ATP6V1C2: variants seen among roughly 807,000 people sequenced by gnomAD.
ATP6V1C2 encodes the protein V-type proton ATPase subunit C 2.
In ATP6V1C2, 45 loss-of-function variants were observed where a neutral mutation model predicts 56.8. The ratio of observed to expected loss-of-function variants is 0.79; its 90% CI spans 0.62 to 1.02. ATP6V1C2 has a LOEUF of 1.02. ATP6V1C2 is among the 50% of genes least tolerant of loss of function. The probability of loss-of-function intolerance (pLI) is 0.00; values close to 1 mark genes in which losing one functional copy is unlikely to be tolerated. For missense variants in ATP6V1C2, 463 were observed against 519.7 expected, an observed-to-expected ratio of 0.89 and a Z score of 1.06; for synonymous variants, 220 against 201.3, an observed-to-expected ratio of 1.09 and a Z score of -0.79.
intron 3 of ATP6V1C2, among the ~76,000 whole-genome samples, chr2:10,732,930 C>T (rs1348256814): frequency 2.0e-5 from 3 of 149,124 alleles, no homozygotes; most frequent in Non-Finnish European, 3.0e-5. Context: ...GAGATTGTGC[C>T]GCTGCATTCC....
chr2:10,783,579 A>G lies in ATP6V1C2; in HGVS notation c.*316A>G. On this transcript the variant is annotated 3_prime_UTR_variant, in exon 14 of 14. Transcript: ENST00000272238. ...TTTGAGGTTCATTAACAACATAGAA[A>G]GCCTTGAACTGTATAACCAGCTAGA... 3.8e-6 allele frequency: 1 copy of G among 261,834 alleles called. No individual in the cohort carries two copies. Among genetic ancestry groups the G allele is most frequent in the South Asian group, 4.4e-5 (1 of 22,646 alleles). 16.2% of individuals were successfully genotyped at this position (261,834 alleles called of 1,614,324 possible).
chr2:10,745,488 G>A (rs1400262553), intron 3 of ATP6V1C2, among the ~76,000 whole-genome samples: 1 of 151,470 alleles, frequency 6.6e-6, no homozygotes, highest in Admixed American at 6.6e-5. Context: ...CCAAGTAGCT[G>A]GGACTACACA....
Position 10,755,242 on chromosome 2 carries a change from G to C in ATP6V1C2, c.283+1176G>C, listed in dbSNP as rs1243811229. The stretch of plus-strand genomic sequence containing the variant: ...GTAGAGACGGGGTTTCTCCATGTTG[G>C]TCAGGCTGGTCTCGAACTCCTGACC... On this transcript the variant is annotated intron_variant, in intron 4 of 13. Coordinates refer to ENST00000272238, the MANE Select transcript of ATP6V1C2 (RefSeq NM_001039362.2). Among the ~76,000 whole-genome samples the C allele has an allele frequency of 6.6e-4, 100 of 151,428 alleles. 1 individual carries two copies. Among genetic ancestry groups the C allele is most frequent in the Non-Finnish European group, 2.9e-5 (2 of 67,952 alleles).
At chr2:10,775,263 C>G (rs190756770) in intron 10 of ATP6V1C2, among the ~76,000 whole-genome samples, 192 bp downstream of exon 10, 1 of 152,186 alleles carries the variant, frequency 6.6e-6, no homozygotes, top group Non-Finnish European at 1.5e-5. Context: ...CACAAAGGAG[C>G]CCAGGCGGTG....
At chr2:10,755,045 T>G (rs937847370) in intron 4 of ATP6V1C2, among the ~76,000 whole-genome samples, 1 of 150,016 alleles carries the variant, frequency 6.7e-6, no homozygotes, top group African/African-American at 2.5e-5. Flanking sequence ...GAGACGGAGT[T>G]TTTCTCGTGT....
chr2:10,785,086 G>A lies in ATP6V1C2; in HGVS notation c.*1823G>A. 1 of 1,200,410 alleles carries A rather than the reference G, an allele frequency of 8.3e-7. No individual in the cohort carries two copies. Among genetic ancestry groups the A allele is most frequent in the Non-Finnish European group, 1.2e-6 (1 of 828,056 alleles). 74.4% of individuals were successfully genotyped at this position (1,200,410 alleles called of 1,614,324 possible). On this transcript the variant is annotated 3_prime_UTR_variant, in exon 14 of 14. Transcript: ENST00000272238. ...ACATTTACAATGGACTGCTGGTGCA[G>A]AAGAATAAACAACTTTAAAAATAAC... is the stretch of plus-strand genomic sequence containing the variant.
chr2:10,724,416 T>C (rs1027482440), intron 2 of ATP6V1C2, among the ~76,000 whole-genome samples: 1 of 152,166 alleles, frequency 6.6e-6, no homozygotes, highest in East Asian at 1.9e-4. Context: ...GGCTGGTAAG[T>C]GGCAGCAGTG....
At chr2:10,761,213 G>A (rs1663886445) in intron 4 of ATP6V1C2, among the ~76,000 whole-genome samples, 1 of 152,124 alleles carries the variant, frequency 6.6e-6, no homozygotes, top group Non-Finnish European at 1.5e-5. Flanking sequence ...AGAGGGGACG[G>A]GGTAGGAGGT....
chr2:10,784,199 C>A lies in ATP6V1C2; in HGVS notation c.*936C>A. The A allele has an allele frequency of 7.2e-7, 1 of 1,381,000 alleles. No homozygotes were observed. Among genetic ancestry groups the A allele is most frequent in the South Asian group, 1.2e-5 (1 of 81,124 alleles). The allele number at this position is 1,381,000 out of a possible 1,614,324, so 85.5% of individuals were successfully genotyped here. On this transcript the variant is annotated 3_prime_UTR_variant, in exon 14 of 14. Coordinates refer to ENST00000272238, the MANE Select transcript of ATP6V1C2 (RefSeq NM_001039362.2). ...GAGTGTAGAGAATGTCCCTTCACTGCTGGAAAAATCCACTGGCTCCCAAGA... is the reference window on the plus strand; with the variant it reads ...GAGTGTAGAGAATGTCCCTTCACTGATGGAAAAATCCACTGGCTCCCAAGA...
intron 4 of ATP6V1C2, among the ~76,000 whole-genome samples, chr2:10,761,117 A>T (rs1232716189): frequency 3.3e-5 from 5 of 152,024 alleles, no homozygotes. Flanking sequence ...CCCTGGAAGG[A>T]GTTGGTCTTT....
chr2:10,733,647 A>C (rs914462944), intron 3 of ATP6V1C2, among the ~76,000 whole-genome samples: 8 of 151,800 alleles, frequency 5.3e-5, no homozygotes, highest in Non-Finnish European at 7.4e-5. Flanking sequence ...AAAAAAAAAA[A>C]ACCTCTCTCC....
At chr2:10,733,636 T>TAA (rs58039579) in intron 3 of ATP6V1C2, among the ~76,000 whole-genome samples, 74 of 145,282 alleles carry the variant, frequency 5.1e-4, no homozygotes, top group East Asian at 2.8e-3. Context: ...GCTATTATCT[T>TAA]AAAAAAAAAA....
Position 10,771,853 on chromosome 2 carries a change from C to T in ATP6V1C2, c.485C>T (p.Thr162Ile). ...LEKKSMGNLF[T>I]RTLSDIVSKE... is the part of the protein sequence containing the mutation. ...CTGCCTTTTAGGGGGAACCTCTTCACCCGGACACTGAGTGATATTGTGAGC... is the reference window on the plus strand; with the variant it reads ...CTGCCTTTTAGGGGGAACCTCTTCATCCGGACACTGAGTGATATTGTGAGC... The change falls in exon 7 of 14, where the codon ACC (threonine) becomes ATC (isoleucine). Residue 162 changes from threonine to isoleucine, a missense_variant. Physicochemically the swap from Thr to Ile is moderately conservative, Grantham distance 89. Coordinates refer to ENST00000272238, the MANE Select transcript of ATP6V1C2 (RefSeq NM_001039362.2). 1 of 1,614,098 alleles carries T rather than the reference C, an allele frequency of 6.2e-7. No individual in the cohort carries two copies. Among genetic ancestry groups the T allele is most frequent in the Non-Finnish European group, 8.5e-7 (1 of 1,179,944 alleles).
intron 3 of ATP6V1C2, among the ~76,000 whole-genome samples, chr2:10,732,832 C>G (rs1429646171): frequency 2.0e-5 from 3 of 151,464 alleles, no homozygotes; most frequent in Non-Finnish European, 2.9e-5. Flanking sequence ...TTAGCCGGGC[C>G]TGGTGGCAGG....
chr2:10,729,172 C>CTTTTTTT (rs372762251), intron 3 of ATP6V1C2, among the ~76,000 whole-genome samples: 129 of 144,900 alleles, frequency 8.9e-4, no homozygotes, highest in African/African-American at 3.0e-3. Flanking sequence ...CATTGGAAAA[C>CTTTTTTT]TTTTTTTTTT....
At chr2:10,761,352 C>T (rs1166719508) in intron 4 of ATP6V1C2, among the ~76,000 whole-genome samples, 1 of 151,958 alleles carries the variant, frequency 6.6e-6, no homozygotes, top group Non-Finnish European at 1.5e-5. Flanking sequence ...GGTGAGCTTG[C>T]CTGTGCCTGT....
chr2:10,727,821 C>T (rs556987945), intron 3 of ATP6V1C2, among the ~76,000 whole-genome samples: 6 of 136,440 alleles, frequency 4.4e-5, no homozygotes, highest in African/African-American at 1.1e-4. Context: ...ATCGCTTGAG[C>T]GGGGGAGGGG....
chr2:10,760,023 G>T (rs55652408), intron 4 of ATP6V1C2, among the ~76,000 whole-genome samples: 2,666 of 77,776 alleles, frequency 0.034, 48 homozygotes, highest in Middle Eastern at 0.051. Context: ...GCAGTTTTTT[G>T]TTTTTTGTTT....
chr2:10,777,909 G>A (rs930544321), intron 11 of ATP6V1C2, among the ~76,000 whole-genome samples, 187 bp downstream of exon 11: 1 of 151,618 alleles, frequency 6.6e-6, no homozygotes, highest in East Asian at 1.9e-4. Flanking sequence ...GCCCCCGCCA[G>A]CAGTGAAGGG....
Sources: allele counts gnomAD v4.1 joint callset (sites outside exome capture counted in the v4.1 genomes callset), GRCh38; gene constraint gnomAD v4.1.1; transcripts MANE v1.5; gene names NCBI Gene and HGNC (gene_info 2026-07-23, HGNC 2026-07-21).